Variants in UBR2 observed in about 807,000 individuals in gnomAD.
UBR2 encodes the protein E3 ubiquitin-protein ligase UBR2.
UBR2 carries 92 observed loss-of-function variants against 247.9 expected under a neutral mutation model. That is an observed-to-expected ratio of 0.37 (90% confidence interval 0.31 to 0.44). UBR2 has a LOEUF of 0.44. Among genes scored for constraint, UBR2 ranks in the 20% least tolerant of loss-of-function variants. The pLI, the probability that UBR2 is intolerant of heterozygous loss-of-function variation, is 1.00. For synonymous variants in UBR2, 672 were observed against 693.5 expected (o/e 0.97, Z 0.49); for missense variants, 1,613 against 2,112.6 (o/e 0.76, Z 4.64).
Position 42,641,594 on chromosome 6 carries a change from C to T in UBR2, c.1933C>T (p.Pro645Ser). 1 of 1,590,600 alleles carries T rather than the reference C, an allele frequency of 6.3e-7. No homozygotes were observed. Among genetic ancestry groups the T allele is most frequent in the Non-Finnish European group, 8.5e-7 (1 of 1,172,894 alleles). The stretch of plus-strand genomic sequence containing the variant: ...TTTGTATATATAGAGTGAACTTAGC[C>T]CACCCATGTTGATAGAACACCCTCT... ...PELLPLSELSPPMLIEHPLRC... is the reference protein window; with the variant it reads ...PELLPLSELSSPMLIEHPLRC... The change falls in exon 17 of 47, where the codon CCA (proline) becomes TCA (serine). Residue 645 changes from proline (P) to serine (S), a missense_variant. Physicochemically the swap from Pro to Ser is moderately conservative, Grantham distance 74 (BLOSUM62 -1). Around this residue, in one of 3 missense-constraint regions of UBR2, gnomAD observed 1,524 missense variants for 1,967.3 expected, o/e 0.77. Coordinates refer to ENST00000372901, the MANE Select transcript of UBR2 (RefSeq NM_001363705.2).
rs763147688 is a variant in UBR2, at chr6:42,676,846, A to G, written c.4451A>G (p.Tyr1484Cys). 1.2e-6 allele frequency: 2 copies of G among 1,614,014 alleles called. No individual in the cohort carries two copies. Among genetic ancestry groups the G allele is most frequent in the South Asian group, 1.1e-5 (1 of 91,080 alleles). ...CEEESAVLAL[Y>C]KTLHQYTGSA... ...GAAGAATCAGCAGTTCTTGCTTTGT[A>G]TAAAACACTTCACCAGTATACGGGA... The change falls in exon 40 of 47, where the codon TAT (tyrosine) becomes TGT (cysteine). Residue 1484 changes from tyrosine to cysteine, a missense_variant. Physicochemically the swap from Tyr to Cys is radical, Grantham distance 194. Coordinates refer to ENST00000372901, the MANE Select transcript of UBR2 (RefSeq NM_001363705.2).
At position 42,689,852 on chromosome 6, in the gene UBR2, A is replaced by G. The variant is rs1312116706; in HGVS notation, c.5126+182A>G. The stretch of plus-strand genomic sequence containing the variant: ...TTCTTTTCCCAGCCTTCAGAATGCC[A>G]TGAGGAACATCAGGATAGGTAAGGG... On this transcript the variant is annotated intron_variant, in intron 46 of 46. Coordinates refer to ENST00000372901, the MANE Select transcript of UBR2 (RefSeq NM_001363705.2). The surrounding 1 kb of genome is among the most constrained non-coding windows in gnomAD (Gnocchi z 4.0). Among the ~76,000 whole-genome samples, 2 of 152,156 alleles carry G rather than the reference A, an allele frequency of 1.3e-5. No individual in the cohort carries two copies. Among genetic ancestry groups the G allele is most frequent in the African/African-American group, 2.4e-5 (1 of 41,436 alleles).
chr6:42,667,587 CTTTTTTTT>C (rs1161068427), intron 34 of UBR2, among the ~76,000 whole-genome samples: 2 of 47,420 alleles, frequency 4.2e-5, no homozygotes, highest in Non-Finnish European at 6.9e-5. Context: ...ACAGTTTTGT[CTTTTTTTT>C]TTTTTTTTTT....
At chr6:42,624,340 G>C (rs1269792555) in intron 11 of UBR2, among the ~76,000 whole-genome samples, 1 of 151,008 alleles carries the variant, frequency 6.6e-6, no homozygotes, top group Non-Finnish European at 1.5e-5. Context: ...GAGTTGGTGG[G>C]GGGGGTGTTG....
intron 1 of UBR2, 145 bp downstream of exon 1, chr6:42,564,542 G>A: frequency 1.1e-6 from 1 of 877,170 alleles, no homozygotes; most frequent in Non-Finnish European, 1.7e-6. Flanking sequence ...GTAATAGCCC[G>A]GGGAGGCCAC....
At chr6:42,570,255 C>T (rs1041607439) in intron 1 of UBR2, among the ~76,000 whole-genome samples, 2 of 152,156 alleles carry the variant, frequency 1.3e-5, no homozygotes, top group Non-Finnish European at 2.9e-5. Flanking sequence ...GGTTTTGAGA[C>T]GGAGTCTCAC....
chr6:42,604,908 T>C (rs1366848341), intron 5 of UBR2, among the ~76,000 whole-genome samples: 1 of 151,918 alleles, frequency 6.6e-6, no homozygotes, highest in African/African-American at 2.4e-5. Flanking sequence ...ATGCCTGTAG[T>C]CCTAGCTATT....
chr6:42,609,721 CAA>C (rs35337400), intron 7 of UBR2, among the ~76,000 whole-genome samples: 4 of 142,194 alleles, frequency 2.8e-5, no homozygotes, highest in Admixed American at 1.4e-4. Flanking sequence ...CCCATTCCTA[CAA>C]AAAAAAAAAA....
Position 42,617,511 on chromosome 6 carries a change from A to G in UBR2, c.1281+4A>G, listed in dbSNP as rs1174575625. 6.4e-7 allele frequency: 1 copy of G among 1,550,632 alleles called. No individual in the cohort carries two copies. Among genetic ancestry groups the G allele is most frequent in the African/African-American group, 1.4e-5 (1 of 73,032 alleles). The stretch of plus-strand genomic sequence containing the variant: ...GATATTCACGGTTCCTTCACTTGTA[A>G]GTACTGAAAGACTAGAAGAACTTTC... On this transcript the variant is annotated splice_donor_region_variant and intron_variant, in intron 11 of 46. Coordinates refer to ENST00000372901, the MANE Select transcript of UBR2 (RefSeq NM_001363705.2).
chr6:42,691,267 C>A lies in UBR2; in HGVS notation c.*94C>A, dbSNP rs1310393799. The A allele has an allele frequency of 1.1e-5, 16 of 1,521,270 alleles. No individual in the cohort carries two copies. The highest frequency in any genetic ancestry group is 1.4e-5 in the Non-Finnish European group (16 of 1,119,206). 94.2% of individuals were successfully genotyped at this position (1,521,270 alleles called of 1,614,324 possible). On this transcript the variant is annotated 3_prime_UTR_variant, in exon 47 of 47. Transcript: ENST00000372901. ...GTTCTGCTGAATTTGGAAATAAATT[C>A]TTTATTTAAACTTTCCTTCCCAGTT...
At chr6:42,575,053 T>G (rs1317616083) in intron 2 of UBR2, among the ~76,000 whole-genome samples, 1 of 152,222 alleles carries the variant, frequency 6.6e-6, no homozygotes, top group Non-Finnish European at 1.5e-5. Context: ...ATTTTAAACC[T>G]ACATACATAA....
chr6:42,591,702 C>A (rs1371221592), intron 2 of UBR2, among the ~76,000 whole-genome samples: 1 of 152,174 alleles, frequency 6.6e-6, no homozygotes, highest in African/African-American at 2.4e-5. Flanking sequence ...TCAGTTGATA[C>A]TTCTGCCTTT....
Position 42,662,242 on chromosome 6 carries a change from C to T in UBR2, c.3501C>T (p.Ser1167=). The change falls in exon 31 of 47, where the codon AGC becomes AGT. Residue 1167 remains serine (S), a synonymous_variant. Transcript: ENST00000372901. ...PDLSCGTHTS[S]CGHIMHAHCW... The stretch of plus-strand genomic sequence containing the variant: ...TGTCTTGTGGAACACACACTAGTAG[C>T]TGTGGGCACATTATGCATGCCCATT... The T allele has an allele frequency of 6.2e-7, 1 of 1,610,864 alleles. No individual in the cohort carries two copies. The highest frequency in any genetic ancestry group is 1.1e-5 in the South Asian group (1 of 90,408).
At chr6:42,663,163 T>C (rs1313952484) in intron 31 of UBR2, 95 bp from the exon 32 acceptor site, 5 of 1,088,494 alleles carry the variant, frequency 4.6e-6, no homozygotes, top group Middle Eastern at 2.2e-4. Flanking sequence ...TTTTGAACTA[T>C]TTGTGGAAAC....
At chr6:42,612,429 CT>C in intron 8 of UBR2, 138 bp downstream of exon 8, 1 of 1,089,840 alleles carries the variant, frequency 9.2e-7, no homozygotes, top group Non-Finnish European at 1.2e-6. Flanking sequence ...TTCAAAATAT[CT>C]TTATGCATAG....
At chr6:42,586,211 A>C (rs1792248155) in intron 2 of UBR2, among the ~76,000 whole-genome samples, 1 of 151,890 alleles carries the variant, frequency 6.6e-6, no homozygotes, top group South Asian at 2.1e-4. Context: ...CCAAAAAAAA[A>C]AAAATACAAA....
At chr6:42,666,107 C>G (rs1798092056) in intron 33 of UBR2, 60 bp from the exon 34 acceptor site, 1 of 1,423,772 alleles carries the variant, frequency 7.0e-7, no homozygotes, top group African/African-American at 1.4e-5. Flanking sequence ...ACCTATATGG[C>G]TGTACTTTTA....
At chr6:42,608,672 G>T (rs1793871994) in intron 7 of UBR2, among the ~76,000 whole-genome samples, 1 of 152,096 alleles carries the variant, frequency 6.6e-6, no homozygotes, top group African/African-American at 2.4e-5. Flanking sequence ...CCAATCTGAT[G>T]TGTGTGAAAT....
intron 30 of UBR2, among the ~76,000 whole-genome samples, chr6:42,660,350 G>A (rs1797727121): frequency 6.6e-6 from 1 of 152,144 alleles, no homozygotes; most frequent in African/African-American, 2.4e-5. Flanking sequence ...TTACCGTGCA[G>A]GACAGTTGAG....
Sources: allele counts gnomAD v4.1 joint callset (sites outside exome capture counted in the v4.1 genomes callset), GRCh38; gene constraint gnomAD v4.1.1; regional missense constraint gnomAD v4.1.1; non-coding constraint Gnocchi (gnomAD v3.1); transcripts MANE v1.5; gene names NCBI Gene and HGNC (gene_info 2026-07-23, HGNC 2026-07-21).